Variants in DIP2C observed in about 807,000 individuals in gnomAD.
The protein encoded by DIP2C is disco-interacting protein 2 homolog C.
A neutral mutation model predicts 192.4 loss-of-function variants in DIP2C; 33 were observed. That is an observed-to-expected ratio of 0.17 (90% CI 0.13 to 0.23). The LOEUF is 0.23. Ranked by LOEUF, DIP2C falls within the 10% of genes least tolerant of loss-of-function variation. The pLI is 1.00. For missense variants in DIP2C, 1,537 were observed against 2,110.1 expected (o/e 0.73, Z 5.32); for synonymous variants, 979 against 864.1 (o/e 1.13, Z -2.33).
At chr10:384,732 CA>C (rs1962727434) in intron 14 of DIP2C, 93 bp from the exon 15 acceptor site, 8 of 1,266,656 alleles carry the variant, frequency 6.3e-6, no homozygotes, top group Non-Finnish European at 9.0e-6. Flanking sequence ...GCCGCACGGG[CA>C]GGGGGGAGCT....
intron 1 of DIP2C, among the ~76,000 whole-genome samples, chr10:619,807 G>C (rs964507958): frequency 6.6e-6 from 1 of 152,174 alleles, no homozygotes; most frequent in African/African-American, 2.4e-5. Flanking sequence ...GCGCCAGAGA[G>C]TCCTGGATAA....
chr10:339,712 T>A (rs1564580146), intron 29 of DIP2C, among the ~76,000 whole-genome samples: 1 of 152,358 alleles, frequency 6.6e-6, no homozygotes, highest in East Asian at 1.9e-4. Context: ...ACTCACAATG[T>A]TATGGCATTT....
chr10:401,651 G>A (rs1363481535), intron 9 of DIP2C, among the ~76,000 whole-genome samples: 1 of 146,136 alleles, frequency 6.8e-6, no homozygotes, highest in African/African-American at 2.5e-5. Context: ...ATCAGCACAT[G>A]AATCCTATGA....
At position 643,978 on chromosome 10, in the gene DIP2C, T is replaced by C. The variant is rs543493430; in HGVS notation, c.85+45516A>G. ...TCTTTTTATCACCCTCTAAATCCTA[T>C]GATTCCAGTTCTGTTCATTCTGCAG... On this transcript the variant is annotated intron_variant, in intron 1 of 36. Transcript: ENST00000280886. Among the ~76,000 whole-genome samples, 3 of 152,362 alleles carry C rather than the reference T, an allele frequency of 2.0e-5. No homozygotes were observed. In the South Asian group the frequency reaches 6.2e-4, roughly 32 times the overall value.
At chr10:358,752 GA>G (rs1358145742) in intron 22 of DIP2C, among the ~76,000 whole-genome samples, 1 of 6,574 alleles carries the variant, frequency 1.5e-4, no homozygotes, top group Non-Finnish European at 3.1e-4. Context: ...GGGGATGGGG[GA>G]TGGGAGGTGG....
chr10:579,696 T>C (rs1326869689), intron 1 of DIP2C, among the ~76,000 whole-genome samples: 1 of 152,096 alleles, frequency 6.6e-6, no homozygotes, highest in Admixed American at 6.5e-5. Context: ...ATAACATGTA[T>C]GTACACATAG....
At chr10:423,058 C>T (rs1966316236) in intron 4 of DIP2C, 25 bp from the exon 5 acceptor site, 1 of 1,563,566 alleles carries the variant, frequency 6.4e-7, no homozygotes, top group South Asian at 1.2e-5. Context: ...AGGTGATTTG[C>T]TGTATGTTGC....
rs563186498 is a variant in DIP2C, at chr10:649,023, T to A, written c.85+40471A>T. Among the ~76,000 whole-genome samples, 554 of 86,254 alleles carry A rather than the reference T, an allele frequency of 6.4e-3. 23 individuals carry two copies. In the Middle Eastern group the frequency reaches 0.12, roughly 19 times the overall value. 56.6% of individuals were successfully genotyped at this position (86,254 alleles called of 152,430 possible). On this transcript the variant is annotated intron_variant, in intron 1 of 36. Transcript: ENST00000280886. Reference sequence around the variant, plus strand: ...GCCCACATCCACATTTGAGGGTGGGTGAGAACAGAGGGAAACTGAGTCCAC... The same window carrying A: ...GCCCACATCCACATTTGAGGGTGGGAGAGAACAGAGGGAAACTGAGTCCAC...
Position 623,415 on chromosome 10 carries a change from G to T in DIP2C, c.85+66079C>A, listed in dbSNP as rs374348172. 2.0e-5 allele frequency among the ~76,000 whole-genome samples: 3 copies of T among 150,798 alleles called. No individual in the cohort carries two copies. The South Asian group carries it at 6.4e-4, about 32-fold the overall frequency. ...CCAGCCGCACTTAGGTTTTCATGAG[G>T]ACGGGTGCAGAGAAGGGGATGAAAC... On this transcript the variant is annotated intron_variant, in intron 1 of 36. Transcript: ENST00000280886.
At chr10:513,866 C>T (rs1050306436) in intron 1 of DIP2C, among the ~76,000 whole-genome samples, 17 of 152,196 alleles carry the variant, frequency 1.1e-4, no homozygotes, top group Non-Finnish European at 1.8e-4. Context: ...CTGCAAACAT[C>T]GACAGTGAGG....
At chr10:445,123 A>C (rs1968054763) in intron 3 of DIP2C, among the ~76,000 whole-genome samples, 1 of 152,230 alleles carries the variant, frequency 6.6e-6, no homozygotes, top group African/African-American at 2.4e-5. Context: ...TCATGGGTTT[A>C]AGTTGTACTT....
intron 29 of DIP2C, among the ~76,000 whole-genome samples, chr10:338,426 T>G: frequency 1.3e-5 from 1 of 76,146 alleles, no homozygotes; most frequent in Non-Finnish European, 4.2e-5. Flanking sequence ...CCTACACAGT[T>G]TTTTTTTTTT....
At position 410,977 on chromosome 10, in the gene DIP2C, T is replaced by C. The variant is rs78790377; in HGVS notation, c.1058-1960A>G. The stretch of plus-strand genomic sequence containing the variant: ...AATTGTAATTTCGCTTGGCTTTGAC[T>C]GAGGAACAGGCAACTGAACAGAGTG... On this transcript the variant is annotated intron_variant, in intron 8 of 36. Transcript: ENST00000280886. Among the ~76,000 whole-genome samples, 1,009 of 152,314 alleles carry C rather than the reference T, an allele frequency of 6.6e-3. 15 individuals carry two copies. The highest frequency in any genetic ancestry group is 0.022 in the African/African-American group (929 of 41,554).
chr10:570,956 C>T (rs965841807), intron 1 of DIP2C, among the ~76,000 whole-genome samples: 5 of 152,188 alleles, frequency 3.3e-5, no homozygotes, highest in Non-Finnish European at 7.3e-5. Flanking sequence ...ATTCTTCCAG[C>T]GCACGACTCC....
intron 31 of DIP2C, among the ~76,000 whole-genome samples, chr10:323,621 G>A (rs533826364): frequency 1.3e-5 from 2 of 152,174 alleles, no homozygotes; most frequent in Non-Finnish European, 2.9e-5. Flanking sequence ...TTGTGTTTTT[G>A]ATTTTTTACA....
chr10:333,214 A>C (rs563361929), intron 29 of DIP2C, among the ~76,000 whole-genome samples: 2 of 152,260 alleles, frequency 1.3e-5, no homozygotes, highest in South Asian at 4.2e-4. Flanking sequence ...ATTCTTTTTA[A>C]AACACCCGTC....
chr10:350,299 C>T lies in DIP2C; in HGVS notation c.2986-845G>A, dbSNP rs80229123. On this transcript the variant is annotated intron_variant, in intron 24 of 36. Coordinates refer to ENST00000280886, the MANE Select transcript of DIP2C (RefSeq NM_014974.3). ...ATGGGGTCTCCCTACATTGCCCAAGCTGGTCTCAAACTCGTGGCCTCAAGT... is the reference window on the plus strand; with the variant it reads ...ATGGGGTCTCCCTACATTGCCCAAGTTGGTCTCAAACTCGTGGCCTCAAGT... Among the ~76,000 whole-genome samples, 94 of 152,180 alleles carry T rather than the reference C, an allele frequency of 6.2e-4. 1 individual carries two copies. The East Asian group carries it at 0.017, about 27-fold the overall frequency.
intron 31 of DIP2C, among the ~76,000 whole-genome samples, chr10:318,125 A>G (rs3123227): frequency 0.99 from 151,286 of 152,282 alleles, 75,156 homozygotes; most frequent in Middle Eastern, 1. Flanking sequence ...GGACGAGAAC[A>G]CAGTGATGCT....
At chr10:633,282 G>A (rs1235268842) in intron 1 of DIP2C, among the ~76,000 whole-genome samples, 2 of 152,212 alleles carry the variant, frequency 1.3e-5, no homozygotes, top group African/African-American at 2.4e-5. Flanking sequence ...ACCCGGGGCC[G>A]CCTGTGTACC....
Sources: allele counts gnomAD v4.1 joint callset (sites outside exome capture counted in the v4.1 genomes callset), GRCh38; gene constraint gnomAD v4.1.1; transcripts MANE v1.5; gene names NCBI Gene and HGNC (gene_info 2026-07-23, HGNC 2026-07-21).